The following DOP1B variants were observed in gnomAD, a reference collection of about 807,000 sequenced individuals.
The protein encoded by DOP1B is DOP1 leucine zipper like protein B, also known as protein DOP1B.
Under a neutral mutation model 233.5 loss-of-function variants are expected in DOP1B, and 174 were observed. That is an observed-to-expected ratio of 0.75 (90% confidence interval 0.66 to 0.85). The LOEUF is 0.85. Among genes scored for constraint, DOP1B ranks in the 40% least tolerant of loss-of-function variants. The pLI is 0.00. For synonymous variants in DOP1B, 1,190 were observed against 1,185.6 expected (o/e 1.00, Z -0.08); for missense variants, 2,652 against 2,846.6 (o/e 0.93, Z 1.56).
At chr21:36,272,318 A>T (rs1465461066) in intron 27 of DOP1B, among the ~76,000 whole-genome samples, 1 of 151,944 alleles carries the variant, frequency 6.6e-6, no homozygotes, top group Non-Finnish European at 1.5e-5. Context: ...ATGGTGGCTC[A>T]GACCTGTAAT....
chr21:36,288,985 T>C lies in DOP1B; in HGVS notation c.6354-60T>C, dbSNP rs2067521354. The stretch of plus-strand genomic sequence containing the variant: ...ATTCTTCTGAGGGACAGGTCATAGG[T>C]GAATGGACTATAACAGATCTGAATG... On this transcript the variant is annotated intron_variant, in intron 34 of 36. Coordinates refer to ENST00000691173, the MANE Select transcript of DOP1B (RefSeq NM_001320714.2). 6 of 1,580,756 alleles carry C rather than the reference T, an allele frequency of 3.8e-6. No individual in the cohort carries two copies. In the Admixed American group the frequency reaches 5.6e-5, roughly 15 times the overall value.
chr21:36,159,961 T>C (rs1245066905), intron 1 of DOP1B, among the ~76,000 whole-genome samples: 5 of 152,210 alleles, frequency 3.3e-5, no homozygotes, highest in Non-Finnish European at 5.9e-5. Context: ...AAATTATGTA[T>C]TTAGGTACTT....
At position 36,281,492 on chromosome 21, in the gene DOP1B, G is replaced by A. The variant is rs935854507; in HGVS notation, c.6041G>A (p.Ser2014Asn). The A allele has an allele frequency of 3.1e-6, 5 of 1,601,902 alleles. No homozygotes were observed. The highest frequency in any genetic ancestry group is 2.2e-5 in the East Asian group (1 of 44,476). ...TMFKDLMNMQ[S>N]SSLKLFSSFE... Reference sequence around the variant, plus strand: ...GCTGTATTTATTCTAGACATGCAGAGCAGTTCTTTGAAACTATTCTCAAGT... The same window carrying A: ...GCTGTATTTATTCTAGACATGCAGAACAGTTCTTTGAAACTATTCTCAAGT... Residue 2014 changes from serine (S) to asparagine (N), a missense_variant, in exon 32 of 37, where the codon AGC (serine) becomes AAC (asparagine). Around this residue, in one of 3 missense-constraint regions of DOP1B, gnomAD observed 2,617 missense variants for 2,794.3 expected, o/e 0.94. Coordinates refer to ENST00000691173, the MANE Select transcript of DOP1B (RefSeq NM_001320714.2).
rs777533536 is a variant in DOP1B, at chr21:36,246,713, AGT to A, written c.4697+38_4697+39del. The A allele has an allele frequency of 4.5e-6, 7 of 1,570,496 alleles. No homozygotes were observed. The highest frequency in any genetic ancestry group is 6.1e-6 in the Non-Finnish European group (7 of 1,153,254). ...CTCCTTGTGACATCTTTATTGCTTT[AGT>A]GATGGTTTTTATAACGAATGACTGT... On this transcript the variant is annotated intron_variant, in intron 19 of 36. Coordinates refer to ENST00000691173, the MANE Select transcript of DOP1B (RefSeq NM_001320714.2). This position sits in a 1 kb window ranked among gnomAD's most constrained non-coding sequence, Gnocchi z 5.1.
chr21:36,224,567 TCATCC>T (rs1204441608), intron 11 of DOP1B, among the ~76,000 whole-genome samples: 1 of 151,960 alleles, frequency 6.6e-6, no homozygotes, highest in African/African-American at 2.4e-5. Context: ...TGTCCTCTTT[TCATCC>T]CAGAGTTAAT....
chr21:36,290,362 T>A (rs1320349757), intron 35 of DOP1B, among the ~76,000 whole-genome samples: 2 of 151,906 alleles, frequency 1.3e-5, no homozygotes, highest in Non-Finnish European at 2.9e-5. Context: ...CTGTCTCAAC[T>A]AAAAACACAA....
chr21:36,288,769 C>T lies in DOP1B; in HGVS notation c.6311C>T (p.Thr2104Ile). The T allele has an allele frequency of 6.2e-7, 1 of 1,612,084 alleles. No homozygotes were observed. Among genetic ancestry groups the T allele is most frequent in the Non-Finnish European group, 8.5e-7 (1 of 1,178,770 alleles). Reference sequence around the variant, plus strand: ...TTTTTTTTTCAGATTCAGACATTCACACAGCTTGAAGAAGATCTAAAAGAT... The same window carrying T: ...TTTTTTTTTCAGATTCAGACATTCATACAGCTTGAAGAAGATCTAAAAGAT... The part of the protein sequence containing the change: ...IMVSELIQTF[T>I]QLEEDLKDED... Residue 2104 changes from threonine (T) to isoleucine (I), a missense_variant, in exon 34 of 37, where the codon ACA becomes ATA. Physicochemically the swap from Thr to Ile is moderately conservative, Grantham distance 89 (BLOSUM62 -1). This residue lies in a region of DOP1B where 2,617 missense variants were observed against 2,794.3 expected (regional missense o/e 0.94). Transcript: ENST00000691173.
At chr21:36,278,187 C>A in intron 29 of DOP1B, 22 bp from the exon 30 acceptor site, 3 of 1,613,632 alleles carry the variant, frequency 1.9e-6, no homozygotes, top group Non-Finnish European at 2.5e-6. Context: ...CTTGACCCTT[C>A]TCTCTTCCCA....
intron 9 of DOP1B, among the ~76,000 whole-genome samples, chr21:36,215,562 G>T (rs889961616): frequency 2.6e-5 from 4 of 151,752 alleles, no homozygotes; most frequent in African/African-American, 9.7e-5. Flanking sequence ...GTGCCACCAT[G>T]CCTGGCTAAT....
chr21:36,201,282 T>C, intron 4 of DOP1B, among the ~76,000 whole-genome samples: 1 of 151,674 alleles, frequency 6.6e-6, no homozygotes, highest in East Asian at 1.9e-4. Flanking sequence ...GTAAGAAGGT[T>C]TCCCAGTCGC....
At chr21:36,256,989 A>G (rs997074074) in intron 23 of DOP1B, among the ~76,000 whole-genome samples, 1 of 152,186 alleles carries the variant, frequency 6.6e-6, no homozygotes, top group African/African-American at 2.4e-5. Context: ...CCTTCACTTC[A>G]GACACCAGTC....
At position 36,211,550 on chromosome 21, in the gene DOP1B, C is replaced by T; in HGVS notation, c.682-3C>T. 1.2e-6 allele frequency: 2 copies of T among 1,613,402 alleles called. No individual in the cohort carries two copies. Among genetic ancestry groups the T allele is most frequent in the Non-Finnish European group, 1.7e-6 (2 of 1,179,504 alleles). On this transcript the variant is annotated splice_polypyrimidine_tract_variant and splice_region_variant and intron_variant, in intron 5 of 36. Transcript: ENST00000691173. Reference sequence around the variant, plus strand: ...AATGCTAGTGCCGTTTGATCGTTTACAGGTGAAGTCTTTGCGTGCCTCCCT... The same window carrying T: ...AATGCTAGTGCCGTTTGATCGTTTATAGGTGAAGTCTTTGCGTGCCTCCCT...
In DOP1B at chr21:36,293,586, A is replaced by G. The variant is rs760999965; in HGVS notation, c.*15A>G. On this transcript the variant is annotated 3_prime_UTR_variant, in exon 37 of 37. Transcript: ENST00000691173. ...CAGAATGTTAACCATGTGAGAGAGA[A>G]TATGTTTAATCCATGTATTGGTACT... 11 of 1,612,868 alleles carry G rather than the reference A, an allele frequency of 6.8e-6. No homozygotes were observed. The African/African-American group carries it at 8.0e-5, about 12-fold the overall frequency.
At chr21:36,242,970 TTTC>T (rs2066908736) in intron 18 of DOP1B, among the ~76,000 whole-genome samples, 1 of 140,608 alleles carries the variant, frequency 7.1e-6, no homozygotes, top group Admixed American at 7.5e-5. Flanking sequence ...GAATGACAGA[TTTC>T]TTCTTTTCTT....
At chr21:36,209,283 G>A (rs1302960937) in intron 5 of DOP1B, among the ~76,000 whole-genome samples, 2 of 152,092 alleles carry the variant, frequency 1.3e-5, no homozygotes, top group African/African-American at 2.4e-5. Context: ...CACCATGCCC[G>A]GCTAATTTTT....
intron 4 of DOP1B, among the ~76,000 whole-genome samples, chr21:36,202,163 G>C (rs2066375543): frequency 6.6e-6 from 1 of 152,072 alleles, no homozygotes; most frequent in South Asian, 2.1e-4. Flanking sequence ...CTCCAGCCTG[G>C]GTGACAGAGT....
chr21:36,165,218 C>T (rs2065898021), intron 2 of DOP1B, among the ~76,000 whole-genome samples: 1 of 152,064 alleles, frequency 6.6e-6, no homozygotes, highest in African/African-American at 2.4e-5. Context: ...ATGTTAATGT[C>T]TAGACAAGAT....
intron 32 of DOP1B, among the ~76,000 whole-genome samples, chr21:36,282,733 T>C (rs2067432116): frequency 1.3e-5 from 2 of 152,160 alleles, no homozygotes. Flanking sequence ...CCCAGCACTT[T>C]CAGAGGCCAA....
At chr21:36,284,293 C>T (rs1226712435) in intron 32 of DOP1B, among the ~76,000 whole-genome samples, 13 of 49,158 alleles carry the variant, frequency 2.6e-4, no homozygotes, top group African/African-American at 4.6e-4. Context: ...TTTTTTGAGA[C>T]GGAGTCTCGC....
Sources: gnomAD v4.1 joint callset for allele counts (sites outside exome capture counted in the v4.1 genomes callset) on GRCh38, gnomAD v4.1.1 for gene constraint, gnomAD v4.1.1 regional missense constraint, Gnocchi (gnomAD v3.1) non-coding constraint, MANE v1.5 for transcripts, NCBI Gene and HGNC (gene_info 2026-07-23, HGNC 2026-07-21) for gene names.